Variants in DNAH17 observed in about 807,000 individuals in gnomAD.
DNAH17 encodes dynein axonemal heavy chain 17.
DNAH17 carries 376 observed loss-of-function variants against 485.6 expected under a neutral mutation model. The observed-to-expected ratio is 0.77, with a 90% CI of 0.71 to 0.84. The LOEUF (loss-of-function observed/expected upper bound fraction) is 0.84, where lower values mean the gene tolerates loss of function less well. DNAH17 is among the 40% of genes least tolerant of loss of function. The pLI, the probability that DNAH17 is intolerant of heterozygous loss-of-function variation, is 0.00. For missense variants in DNAH17, 6,370 were observed against 5,839.3 expected, an observed-to-expected ratio of 1.09 and a Z score of -2.96; for synonymous variants, 3,031 against 2,405.9, an observed-to-expected ratio of 1.26 and a Z score of -7.60.
At chr17:78,569,639 A>G (rs969325321) in intron 7 of DNAH17, 112 bp from the exon 8 acceptor site, 3 of 1,325,182 alleles carry the variant, frequency 2.3e-6, no homozygotes, top group Non-Finnish European at 3.0e-6. Flanking sequence ...ATATCTGAAA[A>G]TAACCCCTCC....
At chr17:78,473,540 T>C (rs1360964080) in intron 54 of DNAH17, among the ~76,000 whole-genome samples, 2 of 93,612 alleles carry the variant, frequency 2.1e-5, no homozygotes, top group Non-Finnish European at 3.8e-5. Flanking sequence ...TGAGACTCTG[T>C]CTCAAAAAAA....
At chr17:78,471,445 T>C (rs181345803) in intron 54 of DNAH17, among the ~76,000 whole-genome samples, 59 of 152,294 alleles carry the variant, frequency 3.9e-4, no homozygotes, top group Non-Finnish European at 6.9e-4. Context: ...CAAAGACGAA[T>C]CACTCTTCTC....
At position 78,480,720 on chromosome 17, in the gene DNAH17, G is replaced by A. The variant is rs1254631106; in HGVS notation, c.7716C>T (p.Pro2572=). Residue 2572 remains proline, a synonymous_variant, in exon 49 of 81, where the codon CCC becomes CCT. Coordinates refer to ENST00000389840, the MANE Select transcript of DNAH17 (RefSeq NM_173628.4). ...AGTCGATGGTGAAGGATCCGGAAGT[G>A]GGGTTCATGCAGGCCACGTACTGAC... ...HNCQYVACMN[P]TSGSFTIDSR... 1 of 1,613,724 alleles carries A rather than the reference G, an allele frequency of 6.2e-7. No individual in the cohort carries two copies. The highest frequency in any genetic ancestry group is 8.5e-7 in the Non-Finnish European group (1 of 1,179,850).
At chr17:78,474,609 T>C (rs2088921281) in intron 54 of DNAH17, among the ~76,000 whole-genome samples, 1 of 148,362 alleles carries the variant, frequency 6.7e-6, no homozygotes, top group Non-Finnish European at 1.5e-5. Context: ...CCAACCTCTC[T>C]GCCTCTGTGA....
intron 20 of DNAH17, 105 bp from the exon 21 acceptor site, chr17:78,530,617 C>G: frequency 7.4e-7 from 1 of 1,350,894 alleles, no homozygotes; most frequent in Non-Finnish European, 1.0e-6. Context: ...CTGCGCTGCT[C>G]ACCTGCCGGC....
At chr17:78,562,935 G>C (rs2092188547) in intron 11 of DNAH17, among the ~76,000 whole-genome samples, 1 of 152,162 alleles carries the variant, frequency 6.6e-6, no homozygotes, top group Admixed American at 6.5e-5. Flanking sequence ...ATCCAAGAGA[G>C]TTTCCCGGGG....
chr17:78,574,662 C>T (rs1201391248), intron 2 of DNAH17, 51 bp downstream of exon 2: 26 of 1,508,120 alleles, frequency 1.7e-5, no homozygotes, highest in Admixed American at 9.4e-5. Flanking sequence ...AGGCCGCTCC[C>T]GAGAAGTCGG....
Position 78,441,214 on chromosome 17 carries a change from C to G in DNAH17, c.11529-15G>C. The G allele has an allele frequency of 6.2e-7, 1 of 1,613,188 alleles. No individual in the cohort carries two copies. The highest frequency in any genetic ancestry group is 8.5e-7 in the Non-Finnish European group (1 of 1,179,602). On this transcript the variant is annotated splice_polypyrimidine_tract_variant and intron_variant, in intron 71 of 80. Coordinates refer to ENST00000389840, the MANE Select transcript of DNAH17 (RefSeq NM_173628.4). ...CCACGAAGTTCCTAGGGGTGGAGTG[C>G]ATCAGAGGCAGCGGAACCTGAGGCT...
intron 71 of DNAH17, among the ~76,000 whole-genome samples, chr17:78,443,175 A>G (rs1055366182): frequency 3.9e-5 from 6 of 152,170 alleles, no homozygotes; most frequent in Non-Finnish European, 7.4e-5. Context: ...GGCGATTCTC[A>G]GAAGCTCTCA....
rs770577981 is a variant in DNAH17, at chr17:78,539,736, C to A, written c.2676+1G>T. ...TATATTACCTTATGTTGATAACTTA[C>A]ATCTATAACCATGTTGTCCATTAGG... On this transcript the variant is annotated splice_donor_variant, in intron 18 of 80. Coordinates refer to ENST00000389840, the MANE Select transcript of DNAH17 (RefSeq NM_173628.4). LOFTEE classifies it high-confidence loss of function. The A allele has an allele frequency of 1.9e-6, 3 of 1,605,410 alleles. No individual in the cohort carries two copies. The Admixed American group carries it at 5.1e-5, about 27-fold the overall frequency.
intron 26 of DNAH17, among the ~76,000 whole-genome samples, chr17:78,512,740 G>C (rs2143101558): frequency 6.6e-6 from 1 of 152,202 alleles, no homozygotes. Flanking sequence ...TCAGGAGTTT[G>C]AGACCAGCTT....
chr17:78,482,454 A>C (rs2089394784), intron 48 of DNAH17, among the ~76,000 whole-genome samples: 2 of 152,134 alleles, frequency 1.3e-5, no homozygotes, highest in African/African-American at 2.4e-5. Flanking sequence ...GTTTTCTTCC[A>C]TTCTTTTATT....
Position 78,476,650 on chromosome 17 carries a change from A to G in DNAH17, c.8076T>C (p.Tyr2692=), listed in dbSNP as rs766569800. 6.2e-7 allele frequency: 1 copy of G among 1,612,730 alleles called. No homozygotes were observed. Among genetic ancestry groups the G allele is most frequent in the Non-Finnish European group, 8.5e-7 (1 of 1,179,398 alleles). Reference sequence around the variant, plus strand: ...CTTTTTCGTCAACCATTTTGTCACCATACACTCGTTCAGTCTCATGTAGCC... The same window carrying G: ...CTTTTTCGTCAACCATTTTGTCACCGTACACTCGTTCAGTCTCATGTAGCC... ...RLWLHETERV[Y]GDKMVDEKDQ... The change falls in exon 52 of 81, where the codon TAT becomes TAC. Residue 2692 remains tyrosine, a synonymous_variant. Coordinates refer to ENST00000389840, the MANE Select transcript of DNAH17 (RefSeq NM_173628.4).
At chr17:78,489,089 C>T (rs1358473456) in intron 44 of DNAH17, among the ~76,000 whole-genome samples, 1 of 152,108 alleles carries the variant, frequency 6.6e-6, no homozygotes, top group African/African-American at 2.4e-5. Context: ...GCTGGAGAAG[C>T]CGGCACAGAG....
intron 25 of DNAH17, among the ~76,000 whole-genome samples, chr17:78,518,073 G>A (rs2090836357): frequency 6.6e-6 from 1 of 152,130 alleles, no homozygotes; most frequent in East Asian, 1.9e-4. Context: ...TAAAATAAAA[G>A]AGAGTCAGAG....
chr17:78,508,261 C>T (rs760376638), intron 27 of DNAH17, among the ~76,000 whole-genome samples: 1 of 152,160 alleles, frequency 6.6e-6, no homozygotes, highest in Non-Finnish European at 1.5e-5. Flanking sequence ...GATGCAATTC[C>T]CAGGTGAATG....
intron 70 of DNAH17, among the ~76,000 whole-genome samples, chr17:78,445,248 A>AGGCTGGGGGGGGGAGGG (rs2087235209): frequency 7.0e-6 from 1 of 143,430 alleles, no homozygotes; most frequent in Admixed American, 7.0e-5. Flanking sequence ...GGGGAGGAGG[A>AGGCTGGGGGGGGGAGGG]GAGGTTGAGG....
At chr17:78,519,167 C>CAAAAAAAA (rs71161610) in intron 25 of DNAH17, among the ~76,000 whole-genome samples, 8 of 75,578 alleles carry the variant, frequency 1.1e-4, no homozygotes, top group African/African-American at 3.8e-4. Context: ...GACTCCGTCT[C>CAAAAAAAA]AAAAAAAAAA....
At chr17:78,560,483 C>G (rs576412783) in intron 13 of DNAH17, among the ~76,000 whole-genome samples, 1 of 151,980 alleles carries the variant, frequency 6.6e-6, no homozygotes. Flanking sequence ...ACTTTTTCCC[C>G]CCCCCCAGTT....
Sources: gnomAD v4.1 joint callset for allele counts (sites outside exome capture counted in the v4.1 genomes callset) on GRCh38, gnomAD v4.1.1 for gene constraint, MANE v1.5 for transcripts, NCBI Gene and HGNC (gene_info 2026-07-23, HGNC 2026-07-21) for gene names.